EEF1G: variants seen among roughly 807,000 people sequenced by gnomAD.
EEF1G encodes elongation factor 1-gamma.
EEF1G carries 14 observed loss-of-function variants against 58.3 expected under a neutral mutation model. That is an observed-to-expected ratio of 0.24 (90% CI 0.16 to 0.38). The LOEUF (loss-of-function observed/expected upper bound fraction) is 0.38. Ranked by LOEUF, EEF1G falls within the 10% of genes least tolerant of loss-of-function variation. The pLI is 1.00. For synonymous variants in EEF1G, 180 were observed against 206.8 expected, an observed-to-expected ratio of 0.87 and a Z score of 1.11; for missense variants, 322 against 550.1, an observed-to-expected ratio of 0.59 and a Z score of 4.15.
At chr11:62,559,905 T>G (rs893312248) in intron 9 of EEF1G, 68 bp from the exon 10 acceptor site, 30 of 1,610,752 alleles carry the variant, frequency 1.9e-5, no homozygotes, top group Non-Finnish European at 2.0e-5. Flanking sequence ...TACTTCCAGC[T>G]CAAACACATG....
chr11:62,568,418 T>C (rs1306186562), intron 5 of EEF1G, among the ~76,000 whole-genome samples: 1 of 147,494 alleles, frequency 6.8e-6, no homozygotes, highest in Non-Finnish European at 1.5e-5. Flanking sequence ...AAAATTTTAA[T>C]AGAGATGGGG....
At chr11:62,573,691 A>G (rs1941665733) in intron 1 of EEF1G, 140 bp downstream of exon 1, 1 of 1,227,656 alleles carries the variant, frequency 8.1e-7, no homozygotes, top group Non-Finnish European at 1.2e-6. Flanking sequence ...TAGGAACCCT[A>G]CTCTCCAGCA....
chr11:62,568,153 G>A (rs1357555893), intron 5 of EEF1G, among the ~76,000 whole-genome samples: 8 of 151,342 alleles, frequency 5.3e-5, no homozygotes, highest in Non-Finnish European at 1.0e-4. Flanking sequence ...GCGTGAACCC[G>A]GGAGGCGGAG....
intron 4 of EEF1G, 21 bp downstream of exon 4, chr11:62,571,519 T>A: frequency 1.3e-6 from 2 of 1,585,474 alleles, no homozygotes; most frequent in Non-Finnish European, 1.7e-6. Context: ...CCCTGGCTTC[T>A]CTCAAAGTTC....
At chr11:62,567,663 ACAT>A in intron 5 of EEF1G, 135 bp from the exon 6 acceptor site, 1 of 819,036 alleles carries the variant, frequency 1.2e-6, no homozygotes, top group Non-Finnish European at 1.7e-6. Flanking sequence ...GCTTCATACA[ACAT>A]CATCCTTCCC....
At chr11:62,563,900 C>G (rs1941527422) in intron 7 of EEF1G, among the ~76,000 whole-genome samples, 1 of 152,202 alleles carries the variant, frequency 6.6e-6, no homozygotes, top group South Asian at 2.1e-4. Flanking sequence ...CTCAACCACA[C>G]CAAAACTGGG....
Position 62,569,264 on chromosome 11 carries a change from CAGG to C in EEF1G, c.522+1698_522+1700del, listed in dbSNP as rs540875643. Among the ~76,000 whole-genome samples the C allele has an allele frequency of 3.0e-4, 46 of 152,296 alleles. 2 individuals are homozygous for C. The South Asian group carries it at 9.3e-3, about 31-fold the overall frequency. On this transcript the variant is annotated intron_variant, in intron 5 of 9. Transcript: ENST00000329251. ...AGGCGGGTGGATCACCTGAGGTCCT[CAGG>C]AGATCAAGACCAGTCTGACCAACAT...
At chr11:62,564,782 A>AAGG (rs55778573) in intron 7 of EEF1G, among the ~76,000 whole-genome samples, 4 of 141,806 alleles carry the variant, frequency 2.8e-5, no homozygotes, top group Non-Finnish European at 3.1e-5. Flanking sequence ...AAAAAAAAAA[A>AAGG]GGGGGCCAGG....
At chr11:62,564,940 G>A (rs1451766542) in intron 7 of EEF1G, among the ~76,000 whole-genome samples, 5 of 151,512 alleles carry the variant, frequency 3.3e-5, no homozygotes, top group Non-Finnish European at 5.9e-5. Context: ...GGTGTCACGC[G>A]CCTGTCATTG....
chr11:62,566,763 G>A (rs758732378), intron 7 of EEF1G, 43 bp downstream of exon 7: 1 of 1,588,766 alleles, frequency 6.3e-7, no homozygotes, highest in South Asian at 1.1e-5. Flanking sequence ...GGTGAGAACA[G>A]GCCTTCTTTG....
chr11:62,571,133 C>T, intron 4 of EEF1G, 25 bp from the exon 5 acceptor site: 1 of 1,613,754 alleles, frequency 6.2e-7, no homozygotes, highest in Non-Finnish European at 8.5e-7. Context: ...TGATAAAACT[C>T]ATCAGTGGGT....
At chr11:62,559,918 A>T in intron 9 of EEF1G, 81 bp from the exon 10 acceptor site, 1 of 1,609,630 alleles carries the variant, frequency 6.2e-7, no homozygotes, top group Middle Eastern at 1.7e-4. Context: ...AACACATGTC[A>T]TCAGACCCCA....
chr11:62,573,680 CT>C, intron 1 of EEF1G, 150 bp downstream of exon 1: 1 of 1,151,484 alleles, frequency 8.7e-7, no homozygotes, highest in Non-Finnish European at 1.3e-6. Flanking sequence ...CCTCCAGGCC[CT>C]AGGAACCCTA....
At chr11:62,562,550 C>T (rs1941509533) in intron 7 of EEF1G, among the ~76,000 whole-genome samples, 1 of 152,052 alleles carries the variant, frequency 6.6e-6, no homozygotes, top group African/African-American at 2.4e-5. Flanking sequence ...GGTGCGATCT[C>T]GGCTCACTGC....
At chr11:62,572,459 T>C in intron 2 of EEF1G, 125 bp downstream of exon 2, 1 of 1,277,052 alleles carries the variant, frequency 7.8e-7, no homozygotes, top group Non-Finnish European at 1.1e-6. Context: ...CAAAATAAAA[T>C]CACCGAAATT....
At chr11:62,569,334 T>A (rs1482499481) in intron 5 of EEF1G, among the ~76,000 whole-genome samples, 1 of 151,572 alleles carries the variant, frequency 6.6e-6, no homozygotes, top group Non-Finnish European at 1.5e-5. Flanking sequence ...ATTAGACGGG[T>A]TTGGTGGCGC....
chr11:62,569,591 G>C (rs1048337855), intron 5 of EEF1G, among the ~76,000 whole-genome samples: 22 of 152,194 alleles, frequency 1.4e-4, no homozygotes, highest in African/African-American at 4.6e-4. Context: ...ACTGTTGTCA[G>C]TTTTCAGTTT....
rs867985807 is a variant in EEF1G at position 62,571,768 on chromosome 11, C to T, written c.235+70G>A. 33 of 1,561,880 alleles carry T rather than the reference C, an allele frequency of 2.1e-5. No individual in the cohort carries two copies. The Middle Eastern group carries it at 5.0e-4, about 24-fold the overall frequency. ...TGGAGAATTCCTTCATATCCACCCC[C>T]GCTCACACTTATCCTCTCCTACACC... On this transcript the variant is annotated intron_variant, in intron 3 of 9. Coordinates refer to ENST00000329251, the MANE Select transcript of EEF1G (RefSeq NM_001404.5).
In EEF1G at chr11:62,572,578, A is replaced by G; in HGVS notation, c.171+6T>C. 1 of 1,611,852 alleles carries G rather than the reference A, an allele frequency of 6.2e-7. No homozygotes were observed. Among genetic ancestry groups the G allele is most frequent in the Non-Finnish European group, 8.5e-7 (1 of 1,179,742 alleles). ...ACCGAAGGATGCTCCCCATCTCCCA[A>G]CTCACCTTGCCGGCAGGAAATTTGC... On this transcript the variant is annotated splice_donor_region_variant and intron_variant, in intron 2 of 9. Coordinates refer to ENST00000329251, the MANE Select transcript of EEF1G (RefSeq NM_001404.5).
Sources: gnomAD v4.1 joint callset for allele counts (sites outside exome capture counted in the v4.1 genomes callset) on GRCh38, gnomAD v4.1.1 for gene constraint, MANE v1.5 for transcripts, NCBI Gene and HGNC (gene_info 2026-07-23, HGNC 2026-07-21) for gene names.